Variants in TPO observed in about 807,000 individuals in gnomAD.
TPO encodes thyroid microsomal antigen.
Under a neutral mutation model 96.9 loss-of-function variants are expected in TPO, and 78 were observed. That is an observed-to-expected ratio of 0.81 (90% CI 0.67 to 0.97). The LOEUF (loss-of-function observed/expected upper bound fraction) is 0.97, where lower values mean the gene tolerates loss of function less well. Among genes scored for constraint, TPO ranks in the 50% least tolerant of loss-of-function variants. The pLI is 0.00. For missense variants in TPO, 1,252 were observed against 1,274.8 expected, an observed-to-expected ratio of 0.98 and a Z score of 0.27; for synonymous variants, 547 against 538.0, an observed-to-expected ratio of 1.02 and a Z score of -0.23.
intron 1 of TPO, among the ~76,000 whole-genome samples, chr2:1,378,948 G>A (rs1284361049): frequency 6.6e-6 from 1 of 152,174 alleles, no homozygotes; most frequent in East Asian, 1.9e-4. Flanking sequence ...GCACACCATT[G>A]AGTGGATCAG....
At chr2:1,473,595 CATT>C (rs1447438747) in intron 7 of TPO, among the ~76,000 whole-genome samples, 6 of 152,178 alleles carry the variant, frequency 3.9e-5, no homozygotes, top group African/African-American at 1.4e-4. Flanking sequence ...AAAGTACTAT[CATT>C]ATTATTGTAA....
At chr2:1,484,537 C>A in intron 8 of TPO, 59 bp from the exon 9 acceptor site, 1 of 1,611,244 alleles carries the variant, frequency 6.2e-7, no homozygotes, top group Non-Finnish European at 8.5e-7. Context: ...CACTGCCGCT[C>A]GAGGCGACCC....
intron 15 of TPO, among the ~76,000 whole-genome samples, chr2:1,539,681 G>T (rs552645877): frequency 8.3e-4 from 127 of 152,178 alleles, no homozygotes; most frequent in African/African-American, 3.0e-3. Flanking sequence ...TTGTTTGTTT[G>T]TAGGTATTAC....
At chr2:1,465,192 G>A (rs1454555238) in intron 7 of TPO, among the ~76,000 whole-genome samples, 7 of 152,048 alleles carry the variant, frequency 4.6e-5, no homozygotes, top group Admixed American at 6.6e-5. Context: ...TTGCATTGTC[G>A]AAGATCAATT....
At chr2:1,413,037 G>A (rs1182786347), upstream of TPO, among the ~76,000 whole-genome samples, 1 of 152,084 alleles carries the variant, frequency 6.6e-6, no homozygotes, top group East Asian at 1.9e-4. Context: ...AAAACTAGGG[G>A]CTTGGGGACA....
At chr2:1,493,699 T>C in intron 10 of TPO, 103 bp from the exon 11 acceptor site, 2 of 1,379,774 alleles carry the variant, frequency 1.4e-6, no homozygotes, top group East Asian at 2.3e-5. Context: ...GACAGGACTC[T>C]GCCCTGCTGC....
intron 1 of TPO, among the ~76,000 whole-genome samples, chr2:1,385,924 C>T (rs954700759): frequency 5.6e-4 from 85 of 152,048 alleles, no homozygotes; most frequent in Non-Finnish European, 6.0e-4. Flanking sequence ...TCTTTGTTCT[C>T]GTTGGTTTCA....
chr2:1,465,803 C>T (rs1668844296), intron 7 of TPO, among the ~76,000 whole-genome samples: 1 of 152,056 alleles, frequency 6.6e-6, no homozygotes, highest in African/African-American at 2.4e-5. Flanking sequence ...CTGGAGGAGT[C>T]TTTAGGGTTT....
chr2:1,400,568 C>CAAAAAAAAAAAAAAAAAAAAAAAAAA (rs34242408), intron 1 of TPO, among the ~76,000 whole-genome samples: 4 of 71,600 alleles, frequency 5.6e-5, no homozygotes, highest in African/African-American at 1.6e-4. Flanking sequence ...GACTCTGTCT[C>CAAAAAAAAAAAAAAAAAAAAAAAAAA]AAAAAAAAAA....
intron 14 of TPO, among the ~76,000 whole-genome samples, chr2:1,516,220 C>G (rs1056038324): frequency 5.3e-5 from 8 of 152,200 alleles, no homozygotes; most frequent in African/African-American, 1.9e-4. Context: ...GGCTGCCTCT[C>G]TCCTCTGTCC....
At chr2:1,399,703 C>T (rs1447391352) in intron 1 of TPO, among the ~76,000 whole-genome samples, 2 of 152,218 alleles carry the variant, frequency 1.3e-5, no homozygotes, top group Admixed American at 1.3e-4. Context: ...TCGGGAGCCT[C>T]TCCCATCCCA....
At chr2:1,407,102 C>T (rs2148383426) in intron 1 of TPO, among the ~76,000 whole-genome samples, 1 of 152,304 alleles carries the variant, frequency 6.6e-6, no homozygotes. Flanking sequence ...TATGGCAACA[C>T]AGACATGCAG....
intron 1 of TPO, 146 bp from the exon 2 acceptor site, chr2:1,414,262 C>T: frequency 1.3e-6 from 1 of 777,784 alleles, no homozygotes; most frequent in South Asian, 1.5e-5. Context: ...GTCTCGCAGA[C>T]CCCAGGCCTG....
intron 7 of TPO, among the ~76,000 whole-genome samples, chr2:1,464,982 T>C (rs915199526): frequency 3.9e-5 from 6 of 152,234 alleles, no homozygotes; most frequent in African/African-American, 7.2e-5. Flanking sequence ...CCTGAGCCAA[T>C]AGCAAGAAGA....
intron 14 of TPO, chr2:1,513,377 G>T (rs1223929623): frequency 6.6e-6 from 1 of 152,292 alleles, no homozygotes; most frequent in Non-Finnish European, 1.5e-5. Flanking sequence ...TCCAGGGAAG[G>T]TGGGCACCAG....
Position 1,526,754 on chromosome 2 carries a change from C to T in TPO, c.2618+9772C>T, listed in dbSNP as rs551793433. Among the ~76,000 whole-genome samples the T allele has an allele frequency of 6.9e-4, 93 of 134,810 alleles. 1 individual carries two copies. The highest frequency in any genetic ancestry group is 7.7e-4 in the Non-Finnish European group (48 of 61,994). The allele number at this position is 134,810 out of a possible 152,430, so 88.4% of individuals were successfully genotyped here. A position where few individuals can be genotyped will look rare whatever the true frequency, so the allele number is the denominator to read the frequency against. On this transcript the variant is annotated intron_variant, in intron 15 of 16. Transcript: ENST00000329066. ...TGTGTGCAACATCCTCAAATCCCCA[C>T]CACTCTGTGCAACCTCCCCAAATCC...
intron 1 of TPO, among the ~76,000 whole-genome samples, chr2:1,376,879 A>T (rs1661729276): frequency 6.6e-6 from 1 of 152,238 alleles, no homozygotes; most frequent in Non-Finnish European, 1.5e-5. Context: ...TATCTAAAAA[A>T]AGTAAAATTC....
chr2:1,520,053 TCA>T (rs1675092080), intron 15 of TPO, among the ~76,000 whole-genome samples: 1 of 152,186 alleles, frequency 6.6e-6, no homozygotes, highest in Non-Finnish European at 1.5e-5. Flanking sequence ...TAATGTGCCA[TCA>T]CACGCTTGAG....
chr2:1,389,735 C>T (rs1193393401), intron 1 of TPO, among the ~76,000 whole-genome samples: 1 of 152,130 alleles, frequency 6.6e-6, no homozygotes. Context: ...GTGGCTTTTC[C>T]TCCCTTGCTT....
Sources: gnomAD v4.1 joint callset for allele counts (sites outside exome capture counted in the v4.1 genomes callset) on GRCh38, gnomAD v4.1.1 for gene constraint, MANE v1.5 for transcripts, NCBI Gene and HGNC (gene_info 2026-07-23, HGNC 2026-07-21) for gene names.